PCSK2: variants seen among roughly 807,000 people sequenced by gnomAD.
The protein encoded by PCSK2 is neuroendocrine convertase 2.
Under a neutral mutation model 69.7 loss-of-function variants are expected in PCSK2, and 14 were observed. The ratio of observed to expected loss-of-function variants is 0.20; its 90% CI spans 0.13 to 0.31. The LOEUF is 0.31. Among genes scored for constraint, PCSK2 ranks in the 10% least tolerant of loss-of-function variants. The pLI, the probability that PCSK2 is intolerant of heterozygous loss-of-function variation, is 1.00. For missense variants in PCSK2, 544 were observed against 842.5 expected, an observed-to-expected ratio of 0.65 and a Z score of 4.39; for synonymous variants, 307 against 320.7, an observed-to-expected ratio of 0.96 and a Z score of 0.46.
chr20:17,227,576 T>G, intron 1 of PCSK2, 94 bp downstream of exon 1: 1 of 917,812 alleles, frequency 1.1e-6, no homozygotes, highest in Non-Finnish European at 1.7e-6. Context: ...AAGTTTTCTC[T>G]CTTTCTCATG....
At chr20:17,292,714 T>A (rs1328592973) in intron 2 of PCSK2, among the ~76,000 whole-genome samples, 4 of 152,226 alleles carry the variant, frequency 2.6e-5, no homozygotes, top group Non-Finnish European at 5.9e-5. Flanking sequence ...TTCAGCAGAA[T>A]ATCATCATTT....
chr20:17,443,504 A>C (rs1198398599), intron 8 of PCSK2, among the ~76,000 whole-genome samples: 1 of 152,192 alleles, frequency 6.6e-6, no homozygotes, highest in East Asian at 1.9e-4. Context: ...AGGTGACAGC[A>C]GGTGCCCAGG....
At chr20:17,478,811 T>C (rs2033337455) in intron 11 of PCSK2, among the ~76,000 whole-genome samples, 1 of 152,228 alleles carries the variant, frequency 6.6e-6, no homozygotes, top group Non-Finnish European at 1.5e-5. Flanking sequence ...AGTGAAAAGC[T>C]AGTGTAAATG....
At chr20:17,252,631 G>A (rs1987026690) in intron 1 of PCSK2, among the ~76,000 whole-genome samples, 1 of 152,152 alleles carries the variant, frequency 6.6e-6, no homozygotes, top group Non-Finnish European at 1.5e-5. Flanking sequence ...AGGCAATCTG[G>A]CTTCAGAACT....
intron 2 of PCSK2, among the ~76,000 whole-genome samples, chr20:17,275,010 T>C (rs1988009430): frequency 2.0e-5 from 3 of 151,318 alleles, no homozygotes; most frequent in Admixed American, 6.6e-5. Flanking sequence ...AAACTTGTCT[T>C]AGTTTTATAG....
chr20:17,450,017 C>CTTTTTTTTTTTTTTTTTTTTTT lies in PCSK2; in HGVS notation c.886-3716_886-3695dup, dbSNP rs61156656. Among the ~76,000 whole-genome samples, 48 of 61,834 alleles carry CTTTTTTTTTTTTTTTTTTTTTT rather than the reference C, an allele frequency of 7.8e-4. 14 individuals carry two copies. Among genetic ancestry groups the CTTTTTTTTTTTTTTTTTTTTTT allele is most frequent in the Non-Finnish European group, 1.1e-3 (37 of 34,974 alleles). 40.6% of individuals were successfully genotyped at this position (61,834 alleles called of 152,430 possible). ...TTTTTAAGTTTGTTGAATTTCTTCC[C>CTTTTTTTTTTTTTTTTTTTTTT]TTTTTTTTTTTTTTTTTTTTTTTTT... is the stretch of plus-strand genomic sequence containing the variant. On this transcript the variant is annotated intron_variant, in intron 8 of 11. Coordinates refer to ENST00000262545, the MANE Select transcript of PCSK2 (RefSeq NM_002594.5).
At chr20:17,359,848 T>A (rs998229161) in intron 3 of PCSK2, among the ~76,000 whole-genome samples, 1 of 152,192 alleles carries the variant, frequency 6.6e-6, no homozygotes, top group Admixed American at 6.5e-5. Context: ...CAAAGACACA[T>A]GAAGATTGGG....
At chr20:17,333,705 G>A (rs985593395) in intron 2 of PCSK2, among the ~76,000 whole-genome samples, 5 of 151,872 alleles carry the variant, frequency 3.3e-5, no homozygotes, top group Non-Finnish European at 7.4e-5. Flanking sequence ...GCTTCAAACA[G>A]CCAGGGTTCA....
At chr20:17,319,406 A>T (rs1989795232) in intron 2 of PCSK2, among the ~76,000 whole-genome samples, 1 of 152,112 alleles carries the variant, frequency 6.6e-6, no homozygotes, top group Non-Finnish European at 1.5e-5. Context: ...ATTGGTCTTG[A>T]ACGGCCTCAC....
chr20:17,338,752 T>C (rs1340993587), intron 2 of PCSK2, among the ~76,000 whole-genome samples: 1 of 152,052 alleles, frequency 6.6e-6, no homozygotes, highest in Admixed American at 6.6e-5. Context: ...GAGACAGGAC[T>C]GGGACCTTCC....
chr20:17,337,801 T>C (rs1183693529), intron 2 of PCSK2, among the ~76,000 whole-genome samples: 1 of 151,670 alleles, frequency 6.6e-6, no homozygotes, highest in African/African-American at 2.4e-5. Context: ...TGGTGGTGCA[T>C]GCCTGTAGTC....
intron 1 of PCSK2, among the ~76,000 whole-genome samples, chr20:17,256,119 A>T (rs1429892828): frequency 1.3e-5 from 2 of 152,180 alleles, no homozygotes; most frequent in African/African-American, 2.4e-5. Context: ...TAAAATTACT[A>T]ATTCAATCTC....
intron 5 of PCSK2, among the ~76,000 whole-genome samples, chr20:17,401,985 T>C (rs937330354): frequency 5.9e-5 from 9 of 152,164 alleles, no homozygotes; most frequent in Admixed American, 2.0e-4. Flanking sequence ...GCTCTTAAAA[T>C]TCATGTGTGG....
rs369676259 is a variant in PCSK2 at position 17,433,785 on chromosome 20, T to TTC, written c.710-2896_710-2895dup. Among the ~76,000 whole-genome samples the TTC allele has an allele frequency of 8.8e-3, 361 of 40,824 alleles. 12 individuals carry two copies. The highest frequency in any genetic ancestry group is 0.022 in the African/African-American group (260 of 11,712). 26.8% of individuals were successfully genotyped at this position (40,824 alleles called of 152,430 possible). A position where few individuals can be genotyped will look rare whatever the true frequency, so the allele number is the denominator to read the frequency against. On this transcript the variant is annotated intron_variant, in intron 7 of 11. Coordinates refer to ENST00000262545, the MANE Select transcript of PCSK2 (RefSeq NM_002594.5). ...GACACAGACTCCTAGCTCCTTTGAT[T>TTC]TCTCTCTCTCTCTCTCTCTCTCTCT...
chr20:17,346,972 C>T (rs568159737), intron 2 of PCSK2, among the ~76,000 whole-genome samples: 2 of 152,244 alleles, frequency 1.3e-5, no homozygotes, highest in South Asian at 4.1e-4. Flanking sequence ...CACGGTATAC[C>T]TTGTATCCAG....
chr20:17,355,414 G>A (rs149083847), intron 2 of PCSK2, among the ~76,000 whole-genome samples: 1 of 152,140 alleles, frequency 6.6e-6, no homozygotes, highest in African/African-American at 2.4e-5. Flanking sequence ...GTCAACCAAG[G>A]CCTCCGATTA....
chr20:17,473,087 C>T (rs796832293), intron 11 of PCSK2, among the ~76,000 whole-genome samples: 6 of 76,788 alleles, frequency 7.8e-5, no homozygotes, highest in East Asian at 4.7e-4. Context: ...AAGAAGAACT[C>T]TTTTTTTTTT....
At position 17,428,323 on chromosome 20, in the gene PCSK2, C is replaced by T. The variant is rs75392884; in HGVS notation, c.621-1112C>T. Among the ~76,000 whole-genome samples the T allele has an allele frequency of 1.5e-3, 224 of 152,238 alleles. 4 individuals carry two copies. The East Asian group carries it at 0.041, about 28-fold the overall frequency. ...GGGTACATGATAGGCGGGTTTCATT[C>T]TTGTTCCAAAGAGAATTTTGAGGCA... On this transcript the variant is annotated intron_variant, in intron 6 of 11. Coordinates refer to ENST00000262545, the MANE Select transcript of PCSK2 (RefSeq NM_002594.5).
chr20:17,232,503 C>T (rs1600394426), intron 1 of PCSK2, among the ~76,000 whole-genome samples: 1 of 152,262 alleles, frequency 6.6e-6, no homozygotes, highest in African/African-American at 2.4e-5. Flanking sequence ...GTTTCAGATG[C>T]TTTGTCCTGA....
Sources: allele counts gnomAD v4.1 joint callset (sites outside exome capture counted in the v4.1 genomes callset), GRCh38; gene constraint gnomAD v4.1.1; transcripts MANE v1.5; gene names NCBI Gene and HGNC (gene_info 2026-07-23, HGNC 2026-07-21).